The following GRID1 variants were observed in gnomAD, a reference collection of about 807,000 sequenced individuals.
GRID1 encodes the protein glutamate receptor ionotropic, delta-1.
GRID1 carries 28 observed loss-of-function variants against 98.0 expected under a neutral mutation model. The observed-to-expected ratio is 0.29, with a 90% CI of 0.21 to 0.39. GRID1 has a LOEUF of 0.39. Ranked by LOEUF, GRID1 falls within the 10% of genes least tolerant of loss-of-function variation. The probability of loss-of-function intolerance (pLI) is 1.00; values close to 1 mark genes in which losing one functional copy is unlikely to be tolerated. For missense variants in GRID1, 1,111 were observed against 1,340.5 expected, an observed-to-expected ratio of 0.83 and a Z score of 2.67; for synonymous variants, 553 against 538.5, an observed-to-expected ratio of 1.03 and a Z score of -0.37.
At chr10:85,656,066 T>C (rs1172162575) in intron 12 of GRID1, among the ~76,000 whole-genome samples, 1 of 152,182 alleles carries the variant, frequency 6.6e-6, no homozygotes, top group African/African-American at 2.4e-5. Context: ...TTATCTATGA[T>C]TACTGCCTCC....
intron 2 of GRID1, among the ~76,000 whole-genome samples, chr10:86,231,013 C>T (rs1201677751): frequency 6.6e-6 from 1 of 152,220 alleles, no homozygotes; most frequent in Admixed American, 6.5e-5. Context: ...AGGACCAGGC[C>T]TCTCAGCACT....
Position 86,206,910 on chromosome 10 carries a change from G to A in GRID1, c.236-262C>T, listed in dbSNP as rs1564706392. Among the ~76,000 whole-genome samples the A allele has an allele frequency of 6.6e-6, 1 of 152,170 alleles. No homozygotes were observed. The highest frequency in any genetic ancestry group is 1.5e-5 in the Non-Finnish European group (1 of 68,032). ...GAAGTCAAAACGGGCAAAACCATTT[G>A]CCCTAGGCTAGTCAGGGAAGGATGG... is the stretch of plus-strand genomic sequence containing the variant. On this transcript the variant is annotated intron_variant, in intron 2 of 15. Transcript: ENST00000327946. This position sits in a 1 kb window ranked among gnomAD's most constrained non-coding sequence, Gnocchi z 4.1.
At chr10:86,213,373 C>T (rs1846132407) in intron 2 of GRID1, among the ~76,000 whole-genome samples, 1 of 152,098 alleles carries the variant, frequency 6.6e-6, no homozygotes, top group Admixed American at 6.5e-5. Flanking sequence ...ACCTCCCTCC[C>T]CGTTCTTCTT....
intron 12 of GRID1, among the ~76,000 whole-genome samples, chr10:85,673,266 T>C (rs189762163): frequency 2.0e-5 from 3 of 152,306 alleles, no homozygotes; most frequent in South Asian, 4.1e-4. Context: ...TGAGATAGAA[T>C]ATACTCCTGG....
At chr10:86,084,052 C>G (rs541379109) in intron 4 of GRID1, among the ~76,000 whole-genome samples, 9 of 152,216 alleles carry the variant, frequency 5.9e-5, no homozygotes, top group Non-Finnish European at 1.3e-4. Flanking sequence ...GTCCTGTGTG[C>G]CTCCTGTGAT....
chr10:85,902,611 T>C (rs995182183), intron 5 of GRID1, among the ~76,000 whole-genome samples: 1 of 152,034 alleles, frequency 6.6e-6, no homozygotes, highest in African/African-American at 2.4e-5. Context: ...GTGCTGGGAG[T>C]GAGAGGGAAG....
chr10:86,206,510 C>T lies in GRID1; in HGVS notation c.374G>A (p.Arg125His). Residue 125 changes from arginine to histidine, a missense_variant, in exon 3 of 16, where the codon CGC (arginine) becomes CAC (histidine). By Grantham distance (29) the Arg-to-His change is conservative (BLOSUM62 0). Coordinates refer to ENST00000327946, the MANE Select transcript of GRID1 (RefSeq NM_017551.3). The surrounding 1 kb of genome is among the most constrained non-coding windows in gnomAD (Gnocchi z 4.1). ...FVQRNPGGSP[R>H]TACHLNPSPD... ...GCTGGGGTTCAGGTGGCATGCGGTGCGTGGCGACCCTCCCGGGTTGCGCTG... is the reference window on the plus strand; with the variant it reads ...GCTGGGGTTCAGGTGGCATGCGGTGTGTGGCGACCCTCCCGGGTTGCGCTG... 1.9e-6 allele frequency: 3 copies of T among 1,614,196 alleles called. No individual in the cohort carries two copies. Among genetic ancestry groups the T allele is most frequent in the Non-Finnish European group, 2.5e-6 (3 of 1,180,030 alleles).
chr10:86,361,251 C>T (rs1055656781), intron 2 of GRID1, among the ~76,000 whole-genome samples: 5 of 152,186 alleles, frequency 3.3e-5, no homozygotes, highest in African/African-American at 1.2e-4. Flanking sequence ...CTCACAGAGG[C>T]CTTCCAGGGC....
At chr10:85,679,904 C>A (rs948512917) in intron 12 of GRID1, among the ~76,000 whole-genome samples, 1 of 152,180 alleles carries the variant, frequency 6.6e-6, no homozygotes, top group African/African-American at 2.4e-5. Flanking sequence ...TAGAATTATG[C>A]AGGCAGTGAC....
At chr10:86,346,814 G>A (rs1020886230) in intron 2 of GRID1, among the ~76,000 whole-genome samples, 8 of 152,312 alleles carry the variant, frequency 5.3e-5, no homozygotes, top group Admixed American at 2.0e-4. Flanking sequence ...AGCTCTCAGG[G>A]TTCCCCACAA....
intron 4 of GRID1, among the ~76,000 whole-genome samples, chr10:86,037,250 G>A (rs1167736971): frequency 6.6e-6 from 1 of 152,174 alleles, no homozygotes; most frequent in Non-Finnish European, 1.5e-5. Flanking sequence ...TTTGGAAAGA[G>A]TTAATCACAC....
rs199526669 is a variant in GRID1 at position 86,046,861 on chromosome 10, C to CAA, written c.726+91956_726+91957dup. On this transcript the variant is annotated intron_variant, in intron 4 of 15. Coordinates refer to ENST00000327946, the MANE Select transcript of GRID1 (RefSeq NM_017551.3). ...ATGCCACAAATTTTTAAGCCCATTT[C>CAA]AAAAAAAAAAAAAAAAAAAAGACAG... Among the ~76,000 whole-genome samples, 773 of 107,638 alleles carry CAA rather than the reference C, an allele frequency of 7.2e-3. 9 individuals are homozygous for CAA. The highest frequency in any genetic ancestry group is 0.02 in the African/African-American group (560 of 28,406). 70.6% of individuals were successfully genotyped at this position (107,638 alleles called of 152,430 possible).
chr10:85,985,063 T>G (rs1842592709), intron 4 of GRID1, among the ~76,000 whole-genome samples: 1 of 152,158 alleles, frequency 6.6e-6, no homozygotes, highest in South Asian at 2.1e-4. Context: ...ACCCACTAGA[T>G]GCCAGTAGCA....
chr10:85,760,273 T>A (rs912710103), intron 8 of GRID1, among the ~76,000 whole-genome samples: 5 of 152,234 alleles, frequency 3.3e-5, no homozygotes, highest in African/African-American at 1.2e-4. Flanking sequence ...ATTGTTCAGC[T>A]TTATTAGATG....
chr10:86,315,436 GGCTGGGGCT>G (rs1847884820), intron 2 of GRID1, among the ~76,000 whole-genome samples: 1 of 152,180 alleles, frequency 6.6e-6, no homozygotes, highest in South Asian at 2.1e-4. Flanking sequence ...CCAGGAAGGG[GGCTGGGGCT>G]GCTTCCTCTA....
intron 2 of GRID1, among the ~76,000 whole-genome samples, chr10:86,241,412 C>A (rs2814334): frequency 5.3e-5 from 8 of 151,398 alleles, no homozygotes; most frequent in African/African-American, 1.7e-4. Flanking sequence ...TACAGGGGGG[C>A]CCCCTACAGC....
intron 4 of GRID1, among the ~76,000 whole-genome samples, chr10:86,124,543 C>A (rs567830148): frequency 3.9e-5 from 6 of 152,164 alleles, no homozygotes; most frequent in Non-Finnish European, 7.3e-5. Flanking sequence ...CAGTGGTGCC[C>A]CCACGAAACC....
chr10:85,690,452 CA>C (rs1331253650), intron 12 of GRID1, among the ~76,000 whole-genome samples: 4 of 152,134 alleles, frequency 2.6e-5, no homozygotes, highest in Non-Finnish European at 4.4e-5. Flanking sequence ...TAACCAATTA[CA>C]AATCTATTTA....
At chr10:85,913,276 T>C (rs2131822591) in intron 5 of GRID1, among the ~76,000 whole-genome samples, 1 of 152,316 alleles carries the variant, frequency 6.6e-6, no homozygotes, top group Middle Eastern at 3.4e-3. Flanking sequence ...TGCATGAAAC[T>C]ACTGTTTGAT....
Sources: gnomAD v4.1 joint callset for allele counts (sites outside exome capture counted in the v4.1 genomes callset) on GRCh38, gnomAD v4.1.1 for gene constraint, Gnocchi (gnomAD v3.1) non-coding constraint, MANE v1.5 for transcripts, NCBI Gene and HGNC (gene_info 2026-07-23, HGNC 2026-07-21) for gene names.